The following ASTN1 variants were observed in gnomAD, a reference collection of about 807,000 sequenced individuals.
ASTN1 encodes the protein astrotactin-1.
ASTN1 carries 41 observed loss-of-function variants against 140.7 expected under a neutral mutation model. The ratio of observed to expected loss-of-function variants is 0.29; its 90% CI spans 0.23 to 0.38. ASTN1 has a LOEUF of 0.38. Among genes scored for constraint, ASTN1 ranks in the 10% least tolerant of loss-of-function variants. The probability of loss-of-function intolerance (pLI) is 1.00; values close to 1 mark genes in which losing one functional copy is unlikely to be tolerated. For missense variants in ASTN1, 1,479 were observed against 1,678.8 expected (o/e 0.88, Z 2.08); for synonymous variants, 640 against 652.2 (o/e 0.98, Z 0.29).
In ASTN1 at chr1:177,164,665, G is replaced by A. The variant is rs199965629; in HGVS notation, c.12C>T (p.Ala4=). Residue 4 remains alanine, a synonymous_variant, in exon 1 of 23, where the codon GCC becomes GCT. Transcript: ENST00000361833. The part of the protein sequence containing the change: MAL[A]GLCALLACCW... ...AGCAGGCGAGCAGGGCGCAGAGCCC[G>A]GCTAAAGCCATCTTGAGCCCCGGCC... 27 of 1,579,870 alleles carry A rather than the reference G, an allele frequency of 1.7e-5. No individual in the cohort carries two copies. In the East Asian group the frequency reaches 6.0e-4, roughly 35 times the overall value.
chr1:176,904,617 C>T (rs1388923778), intron 16 of ASTN1, among the ~76,000 whole-genome samples: 1 of 152,226 alleles, frequency 6.6e-6, no homozygotes, highest in Non-Finnish European at 1.5e-5. Context: ...CTCCCGTGCA[C>T]TTGTCTGGAG....
At chr1:176,964,265 T>C (rs545679749) in intron 9 of ASTN1, among the ~76,000 whole-genome samples, 2 of 152,314 alleles carry the variant, frequency 1.3e-5, no homozygotes, top group South Asian at 4.1e-4. Context: ...CTGCTCACCA[T>C]TTGTCCAGAA....
intron 2 of ASTN1, among the ~76,000 whole-genome samples, chr1:177,047,852 T>C (rs1401841192): frequency 6.6e-6 from 1 of 152,158 alleles, no homozygotes; most frequent in African/African-American, 2.4e-5. Context: ...CTGAAATCCA[T>C]CTGTCCCTAA....
At chr1:176,975,464 C>T (rs1463465977) in intron 8 of ASTN1, among the ~76,000 whole-genome samples, 5 of 152,236 alleles carry the variant, frequency 3.3e-5, no homozygotes, top group Non-Finnish European at 5.9e-5. Flanking sequence ...TATACAAAGG[C>T]AGCATTGAGT....
downstream of ASTN1, among the ~76,000 whole-genome samples, chr1:176,858,283 C>T (rs1571420058): frequency 6.6e-6 from 1 of 152,298 alleles, no homozygotes; most frequent in African/African-American, 2.4e-5. Flanking sequence ...CACATATGTC[C>T]ACAGAAATTG....
At chr1:177,002,345 C>A (rs1674767945) in intron 8 of ASTN1, among the ~76,000 whole-genome samples, 1 of 151,190 alleles carries the variant, frequency 6.6e-6, no homozygotes, top group South Asian at 2.1e-4. Context: ...GTACTACCGA[C>A]CCTTAAATAA....
At chr1:177,052,297 C>G (rs1677578880) in intron 2 of ASTN1, among the ~76,000 whole-genome samples, 1 of 152,178 alleles carries the variant, frequency 6.6e-6, no homozygotes, top group South Asian at 2.1e-4. Context: ...TTACAGGCAG[C>G]TTGCATGGCC....
Position 177,164,527 on chromosome 1 carries a change from C to T in ASTN1, c.150G>A (p.Glu50=), listed in dbSNP as rs1447260649. 6.2e-7 allele frequency: 1 copy of T among 1,613,926 alleles called. No individual in the cohort carries two copies. The highest frequency in any genetic ancestry group is 2.2e-5 in the East Asian group (1 of 44,800). Residue 50 remains glutamate (E), a synonymous_variant, in exon 1 of 23, where the codon GAG becomes GAA. Coordinates refer to ENST00000361833, the MANE Select transcript of ASTN1 (RefSeq NM_004319.3). ...ITVSALPFLR[E]NDLSIMHSPS... is the part of the protein sequence containing the mutation. ...GGCTGTGCATGATGCTCAGGTCGTT[C>T]TCGCGCAGGAAGGGCAGTGCCGACA...
chr1:177,089,436 A>G (rs188166949), intron 1 of ASTN1, among the ~76,000 whole-genome samples: 1 of 152,278 alleles, frequency 6.6e-6, no homozygotes, highest in East Asian at 1.9e-4. Context: ...AGAGAAATAG[A>G]AAAAGAGAGA....
chr1:177,074,469 C>A (rs925693969), intron 1 of ASTN1, among the ~76,000 whole-genome samples: 2 of 152,158 alleles, frequency 1.3e-5, no homozygotes, highest in South Asian at 4.1e-4. Flanking sequence ...GTATGGCACA[C>A]CCCTACAGGA....
intron 16 of ASTN1, among the ~76,000 whole-genome samples, chr1:176,906,496 T>A (rs934854624): frequency 1.6e-4 from 25 of 152,102 alleles, no homozygotes; most frequent in Non-Finnish European, 2.5e-4. Context: ...TAGACAATGA[T>A]ATGATAAGAG....
chr1:176,883,656 C>T (rs997216944), intron 19 of ASTN1, among the ~76,000 whole-genome samples: 6 of 152,192 alleles, frequency 3.9e-5, no homozygotes, highest in Admixed American at 3.9e-4. Flanking sequence ...ATGTCTCTAA[C>T]CCTCAGTGGC....
intron 8 of ASTN1, among the ~76,000 whole-genome samples, chr1:176,968,891 GTGGTAGA>G: frequency 6.6e-6 from 1 of 152,254 alleles, no homozygotes; most frequent in East Asian, 1.9e-4. Flanking sequence ...GTAATGGCTG[GTGGTAGA>G]GTTGCCATCC....
At chr1:176,925,673 G>C (rs1307580321) in intron 16 of ASTN1, among the ~76,000 whole-genome samples, 3 of 152,142 alleles carry the variant, frequency 2.0e-5, no homozygotes, top group Non-Finnish European at 4.4e-5. Flanking sequence ...GTTTACCTTA[G>C]ACCAGTTTCC....
chr1:176,897,214 TC>T (rs1190901875), intron 16 of ASTN1, among the ~76,000 whole-genome samples: 2 of 138,512 alleles, frequency 1.4e-5, no homozygotes, highest in African/African-American at 2.8e-5. Flanking sequence ...GGTGGAGGTT[TC>T]AGTGAGCCGA....
chr1:177,024,556 G>A, intron 6 of ASTN1, 27 bp downstream of exon 6: 3 of 1,609,014 alleles, frequency 1.9e-6, no homozygotes, highest in Non-Finnish European at 2.6e-6. Context: ...GGGGGGCAAG[G>A]TCGCATCCTC....
chr1:176,897,533 G>A (rs1457822027), intron 16 of ASTN1, among the ~76,000 whole-genome samples: 1 of 151,890 alleles, frequency 6.6e-6, no homozygotes, highest in East Asian at 1.9e-4. Flanking sequence ...ACCGCTAGAT[G>A]GTGATATAAG....
intron 8 of ASTN1, among the ~76,000 whole-genome samples, chr1:177,013,412 C>T (rs1675389494): frequency 6.6e-6 from 1 of 152,220 alleles, no homozygotes; most frequent in Non-Finnish European, 1.5e-5. Context: ...TTGACTTAGT[C>T]ATCAGCTGGC....
chr1:177,080,900 C>G (rs1177681597), intron 1 of ASTN1, among the ~76,000 whole-genome samples: 1 of 152,132 alleles, frequency 6.6e-6, no homozygotes, highest in African/African-American at 2.4e-5. Context: ...CAGAGGGGTG[C>G]ATGAGGCTTA....
Sources: allele counts gnomAD v4.1 joint callset (sites outside exome capture counted in the v4.1 genomes callset), GRCh38; gene constraint gnomAD v4.1.1; transcripts MANE v1.5; gene names NCBI Gene and HGNC (gene_info 2026-07-23, HGNC 2026-07-21).